RACK1: variants seen among roughly 807,000 people sequenced by gnomAD.
RACK1 encodes receptor for activated C kinase 1.
RACK1 carries 3 observed loss-of-function variants against 42.2 expected under a neutral mutation model. The observed-to-expected ratio is 0.07, with a 90% confidence interval of 0.03 to 0.18. RACK1 has a LOEUF of 0.18. RACK1 is among the 10% of genes least tolerant of loss of function. The probability of loss-of-function intolerance (pLI) is 1.00; values close to 1 mark genes in which losing one functional copy is unlikely to be tolerated. For synonymous variants in RACK1, 181 were observed against 154.8 expected (o/e 1.17, Z -1.25); for missense variants, 146 against 403.2 (o/e 0.36, Z 5.46).
chr5:181,241,261 T>G, intron 3 of RACK1: 1 of 447,378 alleles, frequency 2.2e-6, no homozygotes. Context: ...AAACCCTGTC[T>G]CTACTAAAAC....
Position 181,236,941 on chromosome 5 carries a change from G to GTTTTT in RACK1, c.*31_*35dup. On this transcript the variant is annotated 3_prime_UTR_variant, in exon 8 of 8. Transcript: ENST00000512805. ...AAAAACCTAAAAGTCAGAAAAGCCA[G>GTTTTT]TTTTTTTTTTATTTGTAAAGCTCTG... is the stretch of plus-strand genomic sequence containing the variant. The GTTTTT allele has an allele frequency of 7.3e-7, 1 of 1,371,372 alleles. No individual in the cohort carries two copies. Among genetic ancestry groups the GTTTTT allele is most frequent in the Non-Finnish European group, 9.9e-7 (1 of 1,010,372 alleles). 85.0% of individuals were successfully genotyped at this position (1,371,372 alleles called of 1,614,324 possible).
chr5:181,239,687 A>G (rs1056689231), intron 3 of RACK1, 105 bp from the exon 4 acceptor site: 4 of 696,564 alleles, frequency 5.7e-6, no homozygotes, highest in Non-Finnish European at 1.0e-5. Flanking sequence ...GCACCTTTCA[A>G]AAACCAAGAA....
At chr5:181,242,693 G>C in intron 1 of RACK1, 1 of 364,172 alleles carries the variant, frequency 2.7e-6, no homozygotes, top group Admixed American at 3.7e-5. Context: ...AAGTAGCTGG[G>C]ATTACTTGGC....
chr5:181,243,245 G>A, intron 1 of RACK1: 1 of 1,340,388 alleles, frequency 7.5e-7, no homozygotes, highest in South Asian at 1.2e-5. Flanking sequence ...AGAAAAAGTA[G>A]GCCGACACTT....
Position 181,241,522 on chromosome 5 carries a change from A to G in RACK1, c.399T>C (p.Asn133=), listed in dbSNP as rs1759346671. ...GSRDKTIKLW[N]TLGVCKYTVQ... is the part of the protein sequence containing the mutation. ...CAGTGTATTTGCACACACCCAGGGTATTCCATAGCTTGATGGTTTTATCTC... is the reference window on the plus strand; with the variant it reads ...CAGTGTATTTGCACACACCCAGGGTGTTCCATAGCTTGATGGTTTTATCTC... Residue 133 remains asparagine, a synonymous_variant, in exon 3 of 8, where the codon AAT becomes AAC. Transcript: ENST00000512805. The G allele has an allele frequency of 2.5e-6, 4 of 1,613,522 alleles. No homozygotes were observed. The East Asian group carries it at 8.9e-5, about 36-fold the overall frequency.
chr5:181,240,832 T>C (rs1349753992), intron 3 of RACK1: 2 of 151,964 alleles, frequency 1.3e-5, no homozygotes, highest in African/African-American at 2.4e-5. Flanking sequence ...GACAAGACTT[T>C]AAAAAGGCAA....
chr5:181,242,406 G>C, intron 1 of RACK1, 61 bp from the exon 2 acceptor site: 1 of 1,131,950 alleles, frequency 8.8e-7, no homozygotes, highest in Non-Finnish European at 1.3e-6. Flanking sequence ...TAACACACTG[G>C]ATAATTCACT....
chr5:181,242,599 CCAGGCTGGAGTG>C, intron 1 of RACK1: 1 of 531,066 alleles, frequency 1.9e-6, no homozygotes, highest in Non-Finnish European at 3.6e-6. Context: ...GCTCTGTCGC[CCAGGCTGGAGTG>C]CAGTGGCATG....
chr5:181,237,836 T>C, intron 6 of RACK1, 117 bp from the exon 7 acceptor site: 1 of 700,094 alleles, frequency 1.4e-6, no homozygotes, highest in Admixed American at 2.2e-5. Context: ...GGTCCATGTA[T>C]CAATGCCTAC....
rs182627488 is a variant in RACK1 at position 181,238,397 on chromosome 5, C to G, written c.637-158G>C. The G allele has an allele frequency of 4.3e-6, 3 of 702,658 alleles. No individual in the cohort carries two copies. The Admixed American group carries it at 8.4e-5, about 20-fold the overall frequency. 43.5% of individuals were successfully genotyped at this position (702,658 alleles called of 1,614,324 possible). A position where few individuals can be genotyped will look rare whatever the true frequency, so the allele number is the denominator to read the frequency against. Reference sequence around the variant, plus strand: ...AAGTACCAATATTTATCTCTGTATACCTTTCCTTTAACGTAAGACCTTACC... The same window carrying G: ...AAGTACCAATATTTATCTCTGTATAGCTTTCCTTTAACGTAAGACCTTACC... On this transcript the variant is annotated intron_variant, in intron 5 of 7. Transcript: ENST00000512805.
At position 181,236,922 on chromosome 5, in the gene RACK1, C is replaced by G; in HGVS notation, c.*55G>C. ...TTTTTTGCATATAAGAAAAAAAAAC[C>G]TAAAAGTCAGAAAAGCCAGTTTTTT... On this transcript the variant is annotated 3_prime_UTR_variant, in exon 8 of 8. Coordinates refer to ENST00000512805, the MANE Select transcript of RACK1 (RefSeq NM_006098.5). 6.4e-7 allele frequency: 1 copy of G among 1,551,312 alleles called. No homozygotes were observed. The highest frequency in any genetic ancestry group is 2.2e-5 in the Admixed American group (1 of 45,186).
At chr5:181,237,874 G>C (rs1759198662) in intron 6 of RACK1, 155 bp from the exon 7 acceptor site, 1 of 662,282 alleles carries the variant, frequency 1.5e-6, no homozygotes, top group East Asian at 2.7e-5. Context: ...ACTAGTGGAA[G>C]GATGGTTTGC....
In RACK1 at chr5:181,239,448, C is replaced by G. The variant is rs763793690; in HGVS notation, c.525+39G>C. The G allele has an allele frequency of 9.6e-6, 14 of 1,456,720 alleles. No individual in the cohort carries two copies. The African/African-American group carries it at 1.8e-4, about 19-fold the overall frequency. The allele number at this position is 1,456,720 out of a possible 1,614,324, so 90.2% of individuals were successfully genotyped here. On this transcript the variant is annotated intron_variant, in intron 4 of 7. Coordinates refer to ENST00000512805, the MANE Select transcript of RACK1 (RefSeq NM_006098.5). ...GAGTGTATGACCACCTGGGAGCACA[C>G]CCTGACTGGTAAAGCCCCTGCCTTG...
chr5:181,237,940 C>T, intron 6 of RACK1, 159 bp downstream of exon 6: 1 of 736,450 alleles, frequency 1.4e-6, no homozygotes. Flanking sequence ...ATGTACAGGA[C>T]TGCACACCAC....
intron 3 of RACK1, among the ~76,000 whole-genome samples, chr5:181,239,918 G>A (rs1042899897): frequency 5.9e-5 from 9 of 152,062 alleles, no homozygotes; most frequent in African/African-American, 2.2e-4. Flanking sequence ...GGCGGCGGGT[G>A]CCTGTAATCC....
At chr5:181,237,897 G>A (rs998692663) in intron 6 of RACK1, 178 bp from the exon 7 acceptor site, 5 of 663,058 alleles carry the variant, frequency 7.5e-6, no homozygotes, top group Non-Finnish European at 1.1e-5. Context: ...CTGACATCTA[G>A]TAGAAGCTGG....
Position 181,242,048 on chromosome 5 carries a change from TA to T in RACK1, c.281+125del. The T allele has an allele frequency of 3.5e-6, 3 of 856,544 alleles. No homozygotes were observed. The South Asian group carries it at 4.4e-5, about 13-fold the overall frequency. 53.1% of individuals were successfully genotyped at this position (856,544 alleles called of 1,614,324 possible). ...AGTGAGGGAGGCCAAACATCTTCTG[TA>T]GGTGTGCTCTGCTTTCCAGTTCCCA... is the stretch of plus-strand genomic sequence containing the variant. On this transcript the variant is annotated intron_variant, in intron 2 of 7. Transcript: ENST00000512805.
intron 3 of RACK1, among the ~76,000 whole-genome samples, chr5:181,240,711 G>T (rs2546405): frequency 0.19 from 28,296 of 151,200 alleles, 5,425 homozygotes; most frequent in African/African-American, 0.49. Flanking sequence ...ATAAAATTTT[G>T]TTTAAATAGA....
At chr5:181,241,055 C>T (rs187448877) in intron 3 of RACK1, 36 of 153,584 alleles carry the variant, frequency 2.3e-4, no homozygotes, top group Middle Eastern at 6.9e-3. Flanking sequence ...ACCCAGGAGG[C>T]GGAGGTTGTG....
Sources: allele counts gnomAD v4.1 joint callset (sites outside exome capture counted in the v4.1 genomes callset), GRCh38; gene constraint gnomAD v4.1.1; transcripts MANE v1.5; gene names NCBI Gene and HGNC (gene_info 2026-07-23, HGNC 2026-07-21).